Variants in PCLO observed in about 807,000 individuals in gnomAD.
PCLO encodes the protein piccolo presynaptic cytomatrix protein.
A neutral mutation model predicts 427.5 loss-of-function variants in PCLO; 82 were observed. The ratio of observed to expected loss-of-function variants is 0.19; its 90% confidence interval spans 0.16 to 0.23. The LOEUF (loss-of-function observed/expected upper bound fraction) is 0.23, where lower values mean the gene tolerates loss of function less well. PCLO is among the 10% of genes least tolerant of loss of function. PCLO has a pLI of 1.00. For missense variants in PCLO, 6,239 were observed against 6,115.9 expected (o/e 1.02, Z -0.67); for synonymous variants, 2,357 against 2,155.4 (o/e 1.09, Z -2.59).
At chr7:83,038,743 T>C (rs1046395370) in intron 3 of PCLO, among the ~76,000 whole-genome samples, 3 of 151,984 alleles carry the variant, frequency 2.0e-5, no homozygotes, top group Non-Finnish European at 1.5e-5. Context: ...GGTATCTATG[T>C]AGGAGTAAAA....
intron 3 of PCLO, among the ~76,000 whole-genome samples, chr7:82,990,544 A>T (rs1272766350): frequency 6.6e-6 from 1 of 152,144 alleles, no homozygotes; most frequent in Admixed American, 6.6e-5. Context: ...ATAGAACTTG[A>T]GTTTGGTTAC....
intron 10 of PCLO, among the ~76,000 whole-genome samples, chr7:82,873,037 G>GT (rs1425190756): frequency 6.6e-6 from 1 of 152,100 alleles, no homozygotes. Flanking sequence ...ACAGAGGTTT[G>GT]TGAGTTGAGG....
intron 22 of PCLO, among the ~76,000 whole-genome samples, chr7:82,798,855 T>A (rs947611661): frequency 2.0e-5 from 3 of 152,176 alleles, no homozygotes; most frequent in African/African-American, 7.2e-5. Flanking sequence ...CACATTATAT[T>A]ACATATTCTG....
chr7:83,156,883 C>T (rs1315608303), intron 1 of PCLO, among the ~76,000 whole-genome samples: 2 of 151,956 alleles, frequency 1.3e-5, no homozygotes, highest in Non-Finnish European at 2.9e-5. Context: ...TAAAAATATT[C>T]ATTTTTAAAT....
chr7:82,826,008 ATTTG>A (rs1013425362), intron 18 of PCLO, among the ~76,000 whole-genome samples: 2 of 150,578 alleles, frequency 1.3e-5, no homozygotes, highest in Non-Finnish European at 3.0e-5. Flanking sequence ...TTTCATGATT[ATTTG>A]TTTATTTTTA....
intron 7 of PCLO, among the ~76,000 whole-genome samples, chr7:82,912,911 A>G (rs1794357673): frequency 6.6e-6 from 1 of 152,036 alleles, no homozygotes; most frequent in African/African-American, 2.4e-5. Context: ...GCATTTCGTT[A>G]TGCCATTGAC....
intron 3 of PCLO, among the ~76,000 whole-genome samples, chr7:82,977,819 G>A (rs1343338439): frequency 6.6e-6 from 1 of 152,040 alleles, no homozygotes; most frequent in Non-Finnish European, 1.5e-5. Context: ...CATTACTTTT[G>A]AAGCTTCTTT....
rs755478712 is a variant in PCLO, at chr7:82,956,229, T to C, written c.4724A>G (p.Asp1575Gly). The C allele has an allele frequency of 3.1e-6, 5 of 1,611,012 alleles. No homozygotes were observed. In the Admixed American group the frequency reaches 8.3e-5, roughly 27 times the overall value. ...ADEDASGSED[D>G]EFIRNQLKEI... ...TTTGAGCTGGTTTCTGATGAACTCATCATCTTCAGAACCTGAAGCATCTTC... is the reference window on the plus strand; with the variant it reads ...TTTGAGCTGGTTTCTGATGAACTCACCATCTTCAGAACCTGAAGCATCTTC... Residue 1575 changes from aspartate (D) to glycine (G), a missense_variant, in exon 5 of 25, where the codon GAT (aspartate) becomes GGT (glycine). Around this residue, in one of 5 missense-constraint regions of PCLO, gnomAD observed 4,677 missense variants for 4,468.4 expected, o/e 1.05. Transcript: ENST00000333891.
intron 9 of PCLO, among the ~76,000 whole-genome samples, chr7:82,890,174 A>T (rs939421985): frequency 6.6e-6 from 1 of 152,028 alleles, no homozygotes; most frequent in Non-Finnish European, 1.5e-5. Flanking sequence ...TGCCTTTGAG[A>T]TCTCTAGCTA....
chr7:83,122,286 C>CTTTTTTTTTTTTTTTTTTTTTTTT (rs71074624), intron 3 of PCLO, among the ~76,000 whole-genome samples: 1 of 128,302 alleles, frequency 7.8e-6, no homozygotes. Flanking sequence ...CTTTTCTTTT[C>CTTTTTTTTTTTTTTTTTTTTTTTT]TTTTTTTTTT....
chr7:83,143,644 A>C (rs1175719157), intron 2 of PCLO, among the ~76,000 whole-genome samples: 5 of 73,154 alleles, frequency 6.8e-5, no homozygotes, highest in African/African-American at 1.2e-4. Flanking sequence ...GGATTGCCCA[A>C]AAAAAAAAAA....
chr7:82,886,087 A>T (rs1037698063), intron 9 of PCLO, among the ~76,000 whole-genome samples: 1 of 152,148 alleles, frequency 6.6e-6, no homozygotes, highest in Non-Finnish European at 1.5e-5. Context: ...CAAGATATGA[A>T]AAAAGGTGTT....
At chr7:83,121,335 G>T (rs1027060915) in intron 3 of PCLO, among the ~76,000 whole-genome samples, 2 of 152,038 alleles carry the variant, frequency 1.3e-5, no homozygotes, top group African/African-American at 4.8e-5. Context: ...GTAATAGAAG[G>T]TTATTTGTAA....
At chr7:82,894,682 C>T (rs573374407) in intron 9 of PCLO, among the ~76,000 whole-genome samples, 46 of 152,130 alleles carry the variant, frequency 3.0e-4, no homozygotes, top group Admixed American at 9.2e-4. Context: ...TCGTACTTGG[C>T]TTGGGCTGCT....
At chr7:83,135,684 C>A (rs184982157) in intron 2 of PCLO, 28 bp from the exon 3 acceptor site, 94 of 1,404,210 alleles carry the variant, frequency 6.7e-5, no homozygotes, top group Non-Finnish European at 8.2e-5. Context: ...CAATGGTCAC[C>A]GAGACAATAC....
At chr7:83,090,002 AC>A (rs1212717930) in intron 3 of PCLO, among the ~76,000 whole-genome samples, 1 of 152,114 alleles carries the variant, frequency 6.6e-6, no homozygotes, top group African/African-American at 2.4e-5. Context: ...TTTATCTCTT[AC>A]TAATGAAGCC....
At chr7:83,056,243 T>C (rs1199712069) in intron 3 of PCLO, among the ~76,000 whole-genome samples, 3 of 152,134 alleles carry the variant, frequency 2.0e-5, no homozygotes, top group Non-Finnish European at 4.4e-5. Context: ...GAGATCCTTA[T>C]GCACAATAAA....
chr7:83,135,321 C>T lies in PCLO; in HGVS notation c.2229G>A (p.Glu743=). 3.7e-6 allele frequency: 6 copies of T among 1,613,908 alleles called. No homozygotes were observed. Among genetic ancestry groups the T allele is most frequent in the Non-Finnish European group, 5.1e-6 (6 of 1,179,894 alleles). ...CATCAGCAACAGGGGCCTTGTCCTG[C>T]TCAGATGGGACAGAAGGTTCTTTGG... ...APPKEPSVPS[E]QDKAPVADDK... The change falls in exon 3 of 25, where the codon GAG becomes GAA. Residue 743 remains glutamate (E), a synonymous_variant. Coordinates refer to ENST00000333891, the MANE Select transcript of PCLO (RefSeq NM_033026.6).
Position 82,756,496 on chromosome 7 carries a change from T to C in PCLO, c.*2079A>G, listed in dbSNP as rs1790321252. On this transcript the variant is annotated 3_prime_UTR_variant, in exon 25 of 25. Transcript: ENST00000333891. ...ATAGAGGGAAGAAAAGTTATGGTTATCTTTCTCAGTTTGGGGAAGATCGAA... is the reference window on the plus strand; with the variant it reads ...ATAGAGGGAAGAAAAGTTATGGTTACCTTTCTCAGTTTGGGGAAGATCGAA... 1 of 151,924 alleles carries C rather than the reference T, an allele frequency of 6.6e-6. No homozygotes were observed. The highest frequency in any genetic ancestry group is 1.5e-5 in the Non-Finnish European group (1 of 67,990). The allele number at this position is 151,924 out of a possible 1,614,324, so 9.4% of individuals were successfully genotyped here. A position where few individuals can be genotyped will look rare whatever the true frequency, so the allele number is the denominator to read the frequency against.
Sources: gnomAD v4.1 joint callset for allele counts (sites outside exome capture counted in the v4.1 genomes callset) on GRCh38, gnomAD v4.1.1 for gene constraint, gnomAD v4.1.1 regional missense constraint, MANE v1.5 for transcripts, NCBI Gene and HGNC (gene_info 2026-07-23, HGNC 2026-07-21) for gene names.